MAP2K2: variants seen among roughly 807,000 people sequenced by gnomAD.
MAP2K2 encodes the protein dual specificity mitogen-activated protein kinase kinase 2.
A neutral mutation model predicts 43.7 loss-of-function variants in MAP2K2; 24 were observed. That is an observed-to-expected ratio of 0.55 (90% CI 0.40 to 0.77). The LOEUF (loss-of-function observed/expected upper bound fraction) is 0.77. MAP2K2 is among the 30% of genes least tolerant of loss of function. The pLI, the probability that MAP2K2 is intolerant of heterozygous loss-of-function variation, is 0.00. For synonymous variants in MAP2K2, 244 were observed against 239.7 expected (o/e 1.02, Z -0.17); for missense variants, 470 against 566.8 (o/e 0.83, Z 1.73).
rs377339317 is a variant in MAP2K2, at chr19:4,101,193, C to A, written c.580+36G>T. 1.9e-6 allele frequency: 3 copies of A among 1,595,730 alleles called. No homozygotes were observed. The highest frequency in any genetic ancestry group is 1.1e-5 in the South Asian group (1 of 88,148). On this transcript the variant is annotated intron_variant, in intron 5 of 10. Transcript: ENST00000262948. This position sits in a 1 kb window ranked among gnomAD's most constrained non-coding sequence, Gnocchi z 6.3. ...GGGGCGCCCAACAGTTGCCTGCCGG[C>A]CCCCGGGGCTCTGGGGAGGGCGGGC...
At chr19:4,117,693 G>T in intron 1 of MAP2K2, 64 bp from the exon 2 acceptor site, 3 of 1,464,072 alleles carry the variant, frequency 2.0e-6, no homozygotes, top group South Asian at 2.3e-5. Context: ...CGTTTGCTAT[G>T]TGGCCGTGGT....
At chr19:4,119,221 A>T (rs1042423527) in intron 1 of MAP2K2, among the ~76,000 whole-genome samples, 31 of 151,734 alleles carry the variant, frequency 2.0e-4, no homozygotes, top group Non-Finnish European at 4.4e-4. Context: ...ATTAATTTTT[A>T]TTATTATTAT....
At chr19:4,103,907 C>G (rs1207677114) in intron 3 of MAP2K2, among the ~76,000 whole-genome samples, 1 of 152,188 alleles carries the variant, frequency 6.6e-6, no homozygotes, top group African/African-American at 2.4e-5. Context: ...GAGCCAGGGC[C>G]AGGTGGAAGC....
intron 10 of MAP2K2, among the ~76,000 whole-genome samples, chr19:4,091,635 G>A (rs2040856151): frequency 1.3e-5 from 2 of 151,232 alleles, no homozygotes; most frequent in African/African-American, 4.9e-5. Context: ...TTATAGGTGT[G>A]AGCCACCGCA....
intron 7 of MAP2K2, among the ~76,000 whole-genome samples, chr19:4,098,562 C>T (rs538931169): frequency 3.9e-5 from 6 of 152,220 alleles, no homozygotes; most frequent in African/African-American, 4.8e-5. Context: ...GGTCCGCCCC[C>T]GGCTCTTCCC....
intron 3 of MAP2K2, among the ~76,000 whole-genome samples, chr19:4,104,128 G>A (rs761166079): frequency 6.6e-5 from 10 of 152,138 alleles, no homozygotes; most frequent in South Asian, 2.1e-4. Flanking sequence ...AGCTGGGCGT[G>A]GTGGTGGATG....
chr19:4,116,739 C>T (rs2041226031), intron 2 of MAP2K2, among the ~76,000 whole-genome samples: 1 of 151,910 alleles, frequency 6.6e-6, no homozygotes, highest in Non-Finnish European at 1.5e-5. Flanking sequence ...ACCAGCCTGG[C>T]CAACATGGCG....
rs1555696725 is a variant in MAP2K2 at position 4,099,255 on chromosome 19, C to T, written c.865G>A (p.Gly289Arg). ...CGAGGCGAGATGCTGTGAGGCTCTC[C>T]TTCTTCCCCGTCGACCACGGGCCGG... is the stretch of plus-strand genomic sequence containing the variant. ...FGRPVVDGEE[G>R]EPHSISPRPR... is the part of the protein sequence containing the mutation. The change falls in exon 7 of 11, where the codon GGA becomes AGA. Residue 289 changes from glycine to arginine, a missense_variant. By Grantham distance (125) the Gly-to-Arg change is moderately radical. This residue lies in a region of MAP2K2 where 212 missense variants were observed against 220.8 expected (regional missense o/e 0.96). Coordinates refer to ENST00000262948, the MANE Select transcript of MAP2K2 (RefSeq NM_030662.4). The T allele has an allele frequency of 6.2e-7, 1 of 1,605,944 alleles. No individual in the cohort carries two copies. Among genetic ancestry groups the T allele is most frequent in the Non-Finnish European group, 8.5e-7 (1 of 1,176,810 alleles).
chr19:4,099,242 CTG>C lies in MAP2K2; in HGVS notation c.876_877del (p.His292GlnfsTer20), dbSNP rs1187928023. On this transcript the variant is annotated frameshift_variant, in exon 7 of 11. Coordinates refer to ENST00000262948, the MANE Select transcript of MAP2K2 (RefSeq NM_030662.4). LOFTEE classifies it high-confidence loss of function. The stretch of plus-strand genomic sequence containing the variant: ...GGGGGGCCTCGGCCGAGGCGAGATG[CTG>C]TGAGGCTCTCCTTCTTCCCCGTCGA... The C allele has an allele frequency of 6.2e-7, 1 of 1,605,746 alleles. No homozygotes were observed. The highest frequency in any genetic ancestry group is 8.5e-7 in the Non-Finnish European group (1 of 1,176,782).
At chr19:4,097,221 A>AAG in intron 8 of MAP2K2, 58 bp downstream of exon 8, 1 of 1,228,106 alleles carries the variant, frequency 8.1e-7, no homozygotes, top group East Asian at 2.5e-5. Context: ...AAAAAAAAAA[A>AAG]AAAAAAAGAA....
intron 1 of MAP2K2, among the ~76,000 whole-genome samples, chr19:4,119,586 C>A (rs1405721643): frequency 6.6e-6 from 1 of 152,174 alleles, no homozygotes; most frequent in African/African-American, 2.4e-5. Flanking sequence ...CAACGTACAA[C>A]CAGTATGAAA....
intron 1 of MAP2K2, among the ~76,000 whole-genome samples, chr19:4,121,125 G>A (rs1174070889): frequency 6.6e-6 from 1 of 151,494 alleles, no homozygotes; most frequent in Non-Finnish European, 1.5e-5. Flanking sequence ...GACCCCACCA[G>A]TGTGTGCCCC....
intron 8 of MAP2K2, among the ~76,000 whole-genome samples, chr19:4,096,230 G>T (rs1352676375): frequency 6.6e-6 from 1 of 152,326 alleles, no homozygotes; most frequent in Admixed American, 6.5e-5. Context: ...GAGGTCGGGG[G>T]ATGTGCTCAC....
chr19:4,102,755 G>A (rs2041032609), intron 3 of MAP2K2: 6 of 1,287,142 alleles, frequency 4.7e-6, no homozygotes, highest in African/African-American at 1.5e-5. Flanking sequence ...TCTGCTCCGG[G>A]CCAGCCCAAG....
rs1468858213 is a variant in MAP2K2 at position 4,103,092 on chromosome 19, G to A, written c.451-639C>T. On this transcript the variant is annotated intron_variant, in intron 3 of 10. Transcript: ENST00000262948. ...AAAGGCCAGGCCGAGTAGGACCAGG[G>A]GCCAGGGGGTGCATGGACTGCAGGA... 5 of 1,015,120 alleles carry A rather than the reference G, an allele frequency of 4.9e-6. 1 individual carries two copies. The African/African-American group carries it at 8.7e-5, about 18-fold the overall frequency. 62.9% of individuals were successfully genotyped at this position (1,015,120 alleles called of 1,614,324 possible). A position where few individuals can be genotyped will look rare whatever the true frequency, so the allele number is the denominator to read the frequency against.
In MAP2K2 at chr19:4,117,646, G is replaced by C; in HGVS notation, c.93-17C>G. The C allele has an allele frequency of 6.2e-7, 1 of 1,612,534 alleles. No homozygotes were observed. The highest frequency in any genetic ancestry group is 8.5e-7 in the Non-Finnish European group (1 of 1,179,102). On this transcript the variant is annotated splice_polypyrimidine_tract_variant and intron_variant, in intron 1 of 10. Transcript: ENST00000262948. The stretch of plus-strand genomic sequence containing the variant: ...AGGTTTGCCCTGCAGAGACCCCCCA[G>C]GGTAGGGGTTAGCTACCTAGGGAGA...
rs1461916093 is a variant in MAP2K2 at position 4,101,809 on chromosome 19, C to T, written c.529-529G>A. Among the ~76,000 whole-genome samples, 5 of 152,212 alleles carry T rather than the reference C, an allele frequency of 3.3e-5. No homozygotes were observed. Among genetic ancestry groups the T allele is most frequent in the Admixed American group, 2.6e-4 (4 of 15,280 alleles). On this transcript the variant is annotated intron_variant, in intron 4 of 10. Transcript: ENST00000262948. This position sits in a 1 kb window ranked among gnomAD's most constrained non-coding sequence, Gnocchi z 6.3. ...CAACTCGGAAACGCGTGTCTGGCAG[C>T]ATGCGTCCTGTGTCTTAATCCAACA... is the stretch of plus-strand genomic sequence containing the variant.
chr19:4,114,697 C>G (rs371647161), intron 2 of MAP2K2, among the ~76,000 whole-genome samples: 1 of 152,010 alleles, frequency 6.6e-6, no homozygotes, highest in Non-Finnish European at 1.5e-5. Context: ...GCCTGTAATC[C>G]CAGCAATCTG....
At chr19:4,105,992 G>A (rs769600125) in intron 3 of MAP2K2, among the ~76,000 whole-genome samples, 8 of 152,116 alleles carry the variant, frequency 5.3e-5, no homozygotes, top group Non-Finnish European at 1.0e-4. Flanking sequence ...ACACAGACTC[G>A]GGACTCACTC....
Sources: gnomAD v4.1 joint callset for allele counts (sites outside exome capture counted in the v4.1 genomes callset) on GRCh38, gnomAD v4.1.1 for gene constraint, gnomAD v4.1.1 regional missense constraint, Gnocchi (gnomAD v3.1) non-coding constraint, MANE v1.5 for transcripts, NCBI Gene and HGNC (gene_info 2026-07-23, HGNC 2026-07-21) for gene names.